CAST: variants seen among roughly 807,000 people sequenced by gnomAD.
CAST encodes the protein MIR583 host.
A neutral mutation model predicts 119.6 loss-of-function variants in CAST; 76 were observed. The observed-to-expected ratio is 0.64, with a 90% CI of 0.53 to 0.77. CAST has a LOEUF of 0.77. Ranked by LOEUF, CAST falls within the 30% of genes least tolerant of loss-of-function variation. The pLI is 0.00. For synonymous variants in CAST, 319 were observed against 331.6 expected (o/e 0.96, Z 0.41); for missense variants, 953 against 946.5 (o/e 1.01, Z -0.09).
chr5:96,683,218 T>C (rs17086521), intron 2 of CAST, among the ~76,000 whole-genome samples: 8,336 of 152,282 alleles, frequency 0.055, 569 homozygotes, highest in East Asian at 0.21. Flanking sequence ...ATAAGCTTGC[T>C]CTGTTTCAGA....
intron 29 of CAST, 130 bp downstream of exon 29, chr5:96,768,129 G>C: frequency 1.4e-6 from 1 of 706,840 alleles, no homozygotes; most frequent in Admixed American, 2.3e-5. Context: ...TATAGCCCAG[G>C]CTGGAGTGCA....
At chr5:96,043,782 T>C in the CAST span, among the ~76,000 whole-genome samples, 1 of 152,170 alleles carries the variant, frequency 6.6e-6, no homozygotes, top group South Asian at 2.1e-4. Context: ...AAAAGTATCC[T>C]GATTGGTTTA....
At chr5:96,093,100 T>C in the CAST span, among the ~76,000 whole-genome samples, 1 of 152,190 alleles carries the variant, frequency 6.6e-6, no homozygotes, top group African/African-American at 2.4e-5. Flanking sequence ...GAAAATTCTA[T>C]AGGCAGTGCT....
At chr5:96,582,260 TGGGAGTA>T (rs2150189510) in intron 1 of CAST, among the ~76,000 whole-genome samples, 1 of 152,356 alleles carries the variant, frequency 6.6e-6, no homozygotes, top group Admixed American at 6.5e-5. Flanking sequence ...ATTGAGGTTT[TGGGAGTA>T]GGTTTAAGGG....
chr5:96,355,908 G>C, the CAST span, among the ~76,000 whole-genome samples: 1 of 151,974 alleles, frequency 6.6e-6, no homozygotes, highest in Non-Finnish European at 1.5e-5. Context: ...CACCATTTTG[G>C]CCAGGATGTT....
At chr5:96,355,762 C>T in the CAST span, among the ~76,000 whole-genome samples, 5 of 152,084 alleles carry the variant, frequency 3.3e-5, no homozygotes, top group Middle Eastern at 3.4e-3. Flanking sequence ...AGTGCAGTGA[C>T]GTGATCTCAG....
At chr5:96,537,237 A>G (rs1745837278) in intron 1 of CAST, among the ~76,000 whole-genome samples, 1 of 152,194 alleles carries the variant, frequency 6.6e-6, no homozygotes, top group Non-Finnish European at 1.5e-5. Flanking sequence ...CACTTCGCCC[A>G]AAAGCTACTC....
At chr5:96,563,338 G>C (rs1055557985) in intron 1 of CAST, among the ~76,000 whole-genome samples, 6 of 151,894 alleles carry the variant, frequency 4.0e-5, no homozygotes, top group Non-Finnish European at 7.4e-5. Context: ...TATGGTTCTC[G>C]GCCATGGACC....
chr5:96,240,538 G>A, the CAST span, among the ~76,000 whole-genome samples: 2 of 152,016 alleles, frequency 1.3e-5, no homozygotes, highest in African/African-American at 4.8e-5. Context: ...CAAGAATTGA[G>A]TGACTTCAAG....
chr5:96,743,868 G>C, intron 16 of CAST: 1 of 660,184 alleles, frequency 1.5e-6, no homozygotes, highest in Non-Finnish European at 2.5e-6. Flanking sequence ...ATCCTGGGGG[G>C]AGTCAGGAGG....
chr5:96,384,432 C>T, the CAST span, among the ~76,000 whole-genome samples: 14 of 152,136 alleles, frequency 9.2e-5, no homozygotes, highest in Non-Finnish European at 1.9e-4. Context: ...GAACAATGAC[C>T]ACTCTATCTC....
At chr5:96,355,294 C>T in the CAST span, among the ~76,000 whole-genome samples, 1 of 149,872 alleles carries the variant, frequency 6.7e-6, no homozygotes, top group Admixed American at 6.8e-5. Flanking sequence ...GTTTTCTGTT[C>T]CTGTGTTAGT....
chr5:96,110,389 T>C, the CAST span, among the ~76,000 whole-genome samples: 1 of 152,172 alleles, frequency 6.6e-6, no homozygotes, highest in Admixed American at 6.5e-5. Flanking sequence ...TAAAGTAAGA[T>C]CTGAATATAC....
chr5:96,642,016 G>A (rs1161770510), intron 1 of CAST, among the ~76,000 whole-genome samples: 1 of 152,126 alleles, frequency 6.6e-6, no homozygotes, highest in Non-Finnish European at 1.5e-5. Context: ...GCCTGAGAGG[G>A]TGCACAATCT....
At chr5:96,768,729 T>G (rs972282261) in intron 29 of CAST, among the ~76,000 whole-genome samples, 1 of 152,210 alleles carries the variant, frequency 6.6e-6, no homozygotes, top group Non-Finnish European at 1.5e-5. Context: ...TGGAGCTTCC[T>G]CCCCTTTTCT....
chr5:96,542,830 A>G (rs867385541), intron 1 of CAST, among the ~76,000 whole-genome samples: 2 of 152,372 alleles, frequency 1.3e-5, no homozygotes, highest in South Asian at 2.1e-4. Context: ...AATCAAAACC[A>G]TGATGAGATG....
chr5:96,757,611 C>A lies in CAST; in HGVS notation c.1790C>A (p.Ala597Asp). The A allele has an allele frequency of 6.2e-7, 1 of 1,613,390 alleles. No individual in the cohort carries two copies. The highest frequency in any genetic ancestry group is 8.5e-7 in the Non-Finnish European group (1 of 1,179,738). ...PPMSEDFLLD[A>D]LSEDFSGPQN... ...ATGAGTGAAGACTTCCTTCTGGATG[C>A]TTTGTCTGAGGACTTCTCTGGTCCA... The change falls in exon 24 of 32, where the codon GCT (alanine) becomes GAT (aspartate). Residue 597 changes from alanine to aspartate, a missense_variant. Physicochemically the swap from Ala to Asp is moderately radical, Grantham distance 126. Transcript: ENST00000675179.
chr5:96,765,411 A>G, intron 26 of CAST, 86 bp downstream of exon 26: 1 of 685,518 alleles, frequency 1.5e-6, no homozygotes. Context: ...TCATAGGAAT[A>G]TTGATGTGAA....
chr5:96,359,998 A>G, the CAST span, among the ~76,000 whole-genome samples: 1 of 152,044 alleles, frequency 6.6e-6, no homozygotes, highest in African/African-American at 2.4e-5. Flanking sequence ...GTCTTTTCAC[A>G]TAGTCCCATG....
Sources: gnomAD v4.1 joint callset for allele counts (sites outside exome capture counted in the v4.1 genomes callset) on GRCh38, gnomAD v4.1.1 for gene constraint, MANE v1.5 for transcripts, NCBI Gene and HGNC (gene_info 2026-07-23, HGNC 2026-07-21) for gene names.